The following DZANK1 variants were observed in gnomAD, a reference collection of about 807,000 sequenced individuals.
The protein encoded by DZANK1 is double zinc ribbon and ankyrin repeat domains 1, also known as double zinc ribbon and ankyrin repeat-containing protein 1.
DZANK1 carries 91 observed loss-of-function variants against 94.5 expected under a neutral mutation model. That is an observed-to-expected ratio of 0.96 (90% CI 0.81 to 1.15). The LOEUF (loss-of-function observed/expected upper bound fraction) is 1.15. Among genes scored for constraint, DZANK1 ranks in the 50% most tolerant of loss-of-function variants. The probability of loss-of-function intolerance (pLI) is 0.00; values close to 1 mark genes in which losing one functional copy is unlikely to be tolerated. For synonymous variants in DZANK1, 312 were observed against 325.3 expected, an observed-to-expected ratio of 0.96 and a Z score of 0.44; for missense variants, 903 against 916.4, an observed-to-expected ratio of 0.99 and a Z score of 0.19.
intron 8 of DZANK1, among the ~76,000 whole-genome samples, chr20:18,442,080 A>G (rs1214180955): frequency 1.3e-5 from 2 of 152,246 alleles, no homozygotes; most frequent in Non-Finnish European, 2.9e-5. Context: ...AGTAGTACTC[A>G]ATAAATGGTT....
intron 8 of DZANK1, among the ~76,000 whole-genome samples, chr20:18,440,138 C>G (rs989595544): frequency 6.6e-6 from 1 of 152,180 alleles, no homozygotes; most frequent in East Asian, 1.9e-4. Context: ...GAAACCAAAC[C>G]TGCTGGCGCC....
chr20:18,462,968 T>G (rs959299751), intron 2 of DZANK1, among the ~76,000 whole-genome samples: 9 of 127,824 alleles, frequency 7.0e-5, no homozygotes, highest in African/African-American at 2.3e-4. Flanking sequence ...AAGAAAGAAA[T>G]AAGAGTTGAA....
intron 13 of DZANK1, among the ~76,000 whole-genome samples, chr20:18,407,436 C>G (rs1382652068): frequency 2.6e-5 from 4 of 152,196 alleles, no homozygotes; most frequent in Non-Finnish European, 5.9e-5. Flanking sequence ...CCTGGAAACC[C>G]TTCCCAAGAA....
Position 18,398,919 on chromosome 20 carries a change from G to A in DZANK1, c.1433-293C>T, listed in dbSNP as rs142955679. The stretch of plus-strand genomic sequence containing the variant: ...GGCCGAGGCAGGTGGATCACTTGAG[G>A]TCAAAAGTTCGAGACCAGCCTGGCC... On this transcript the variant is annotated intron_variant, in intron 13 of 20. Coordinates refer to ENST00000262547, the Ensembl canonical transcript of DZANK1. 3.4e-3 allele frequency among the ~76,000 whole-genome samples: 518 copies of A among 152,178 alleles called. 3 individuals are homozygous for A. Among genetic ancestry groups the A allele is most frequent in the African/African-American group, 5.0e-3 (208 of 41,528 alleles).
chr20:18,412,604 G>A (rs2057307901), intron 13 of DZANK1, 42 bp downstream of exon 13: 8 of 1,573,152 alleles, frequency 5.1e-6, no homozygotes, highest in Non-Finnish European at 7.0e-6. Flanking sequence ...CAGAAAGAGT[G>A]AATTCCCTCC....
At chr20:18,427,606 GGTGTGTGTGTGT>G (rs11474236) in intron 9 of DZANK1, among the ~76,000 whole-genome samples, 4 of 148,690 alleles carry the variant, frequency 2.7e-5, no homozygotes, top group African/African-American at 4.9e-5. Flanking sequence ...TGTAAGGTTG[GGTGTGTGTGTGT>G]GTGTGTGTGT....
At chr20:18,411,839 G>C (rs2057272095) in intron 13 of DZANK1, among the ~76,000 whole-genome samples, 1 of 152,288 alleles carries the variant, frequency 6.6e-6, no homozygotes, top group South Asian at 2.1e-4. Context: ...GGTCCCTGCA[G>C]GTTAGGTGTC....
At chr20:18,449,444 T>G (rs1329305986) in intron 6 of DZANK1, among the ~76,000 whole-genome samples, 1 of 152,130 alleles carries the variant, frequency 6.6e-6, no homozygotes, top group Non-Finnish European at 1.5e-5. Context: ...TTATTTAAAG[T>G]GCTATTCACA....
intron 4 of DZANK1, 134 bp from the exon 5 acceptor site, chr20:18,453,961 T>C (rs371083080): frequency 1.3e-6 from 1 of 770,260 alleles, no homozygotes; most frequent in Middle Eastern, 2.3e-4. Flanking sequence ...AAGTGACCCC[T>C]GTTTCACTTT....
chr20:18,452,543 T>G, intron 6 of DZANK1, 72 bp downstream of exon 6: 1 of 1,492,020 alleles, frequency 6.7e-7, no homozygotes, highest in Middle Eastern at 2.0e-4. Context: ...GGTGCAGTCT[T>G]AAAGTATTTC....
chr20:18,433,190 G>A (rs538831220), intron 9 of DZANK1: 2 of 164,920 alleles, frequency 1.2e-5, no homozygotes, highest in African/African-American at 2.4e-5. Flanking sequence ...TAAACTCTTG[G>A]ACAGCATACC....
At chr20:18,433,276 C>A in intron 9 of DZANK1, 1 of 230,868 alleles carries the variant, frequency 4.3e-6, no homozygotes, top group Non-Finnish European at 8.5e-6. Flanking sequence ...GGCATGGTGG[C>A]TTATGCCTGT....
intron 19 of DZANK1, among the ~76,000 whole-genome samples, chr20:18,386,113 C>T (rs1001655820): frequency 6.6e-6 from 1 of 152,238 alleles, no homozygotes; most frequent in Non-Finnish European, 1.5e-5. Context: ...TCCTCCACAC[C>T]TGCAGATGTG....
intron 13 of DZANK1, among the ~76,000 whole-genome samples, chr20:18,406,056 A>G (rs1184361306): frequency 6.6e-6 from 1 of 152,218 alleles, no homozygotes; most frequent in Non-Finnish European, 1.5e-5. Context: ...TGAATTTCTC[A>G]GCAAGCCTCG....
intron 2 of DZANK1, among the ~76,000 whole-genome samples, chr20:18,461,453 G>A (rs1188417195): frequency 1.3e-5 from 2 of 152,012 alleles, no homozygotes; most frequent in Non-Finnish European, 2.9e-5. Flanking sequence ...TCTTTAGGCT[G>A]TCTTCTTTTT....
intron 13 of DZANK1, among the ~76,000 whole-genome samples, chr20:18,411,155 G>C (rs1384356104): frequency 6.6e-6 from 1 of 151,910 alleles, no homozygotes; most frequent in Non-Finnish European, 1.5e-5. Context: ...TGATGAGAGT[G>C]GAATTTAGTG....
chr20:18,449,908 G>A (rs949294527), intron 6 of DZANK1, among the ~76,000 whole-genome samples: 5 of 149,468 alleles, frequency 3.3e-5, no homozygotes, highest in South Asian at 2.1e-4. Flanking sequence ...GAGAAACCCC[G>A]TCTCTACTAA....
At chr20:18,388,765 C>T (rs939944322) in intron 19 of DZANK1, among the ~76,000 whole-genome samples, 2 of 152,166 alleles carry the variant, frequency 1.3e-5, no homozygotes, top group African/African-American at 4.8e-5. Flanking sequence ...GGGGTAGAAG[C>T]TATTAAAATG....
intron 10 of DZANK1, among the ~76,000 whole-genome samples, chr20:18,424,471 A>AC (rs1167346876): frequency 2.1e-5 from 3 of 145,464 alleles, no homozygotes; most frequent in African/African-American, 7.6e-5. Flanking sequence ...AACAACAACA[A>AC]AAAAAAAAAA....
Sources: gnomAD v4.1 joint callset for allele counts (sites outside exome capture counted in the v4.1 genomes callset) on GRCh38, gnomAD v4.1.1 for gene constraint, MANE v1.5 for transcripts, NCBI Gene and HGNC (gene_info 2026-07-23, HGNC 2026-07-21) for gene names.